The following CEP128 variants were observed in gnomAD, a reference collection of about 807,000 sequenced individuals.
CEP128 encodes centrosomal protein 128.
CEP128 carries 132 observed loss-of-function variants against 156.7 expected under a neutral mutation model. That is an observed-to-expected ratio of 0.84 (90% CI 0.73 to 0.97). CEP128 has a LOEUF of 0.97. Ranked by LOEUF, CEP128 falls within the 50% of genes least tolerant of loss-of-function variation. CEP128 has a pLI of 0.00. For missense variants in CEP128, 1,252 were observed against 1,281.9 expected, an observed-to-expected ratio of 0.98 and a Z score of 0.36; for synonymous variants, 469 against 448.9, an observed-to-expected ratio of 1.04 and a Z score of -0.57.
At chr14:80,799,609 G>A (rs1256292712) in intron 13 of CEP128, among the ~76,000 whole-genome samples, 2 of 151,954 alleles carry the variant, frequency 1.3e-5, no homozygotes, top group African/African-American at 4.8e-5. Context: ...TCCTAGCAAG[G>A]AATATTAATA....
chr14:80,700,111 T>C (rs1279312808), intron 19 of CEP128, among the ~76,000 whole-genome samples: 1 of 152,172 alleles, frequency 6.6e-6, no homozygotes, highest in Non-Finnish European at 1.5e-5. Flanking sequence ...TTCAATACTA[T>C]AACGCTAGTG....
intron 15 of CEP128, among the ~76,000 whole-genome samples, chr14:80,782,013 A>C (rs1901148426): frequency 6.6e-6 from 1 of 152,216 alleles, no homozygotes; most frequent in African/African-American, 2.4e-5. Context: ...TTCTTAAAAC[A>C]AACCATTTCT....
At chr14:80,777,138 T>C (rs1164156618) in intron 16 of CEP128, among the ~76,000 whole-genome samples, 1 of 152,188 alleles carries the variant, frequency 6.6e-6, no homozygotes, top group Non-Finnish European at 1.5e-5. Context: ...TAAAACCTAA[T>C]TGCTACAGAC....
At chr14:80,546,993 T>G (rs905705358) in intron 21 of CEP128, among the ~76,000 whole-genome samples, 2 of 152,232 alleles carry the variant, frequency 1.3e-5, no homozygotes, top group Non-Finnish European at 2.9e-5. Flanking sequence ...TCTCCAGCCT[T>G]TCATCTGAGA....
intron 13 of CEP128, among the ~76,000 whole-genome samples, chr14:80,800,055 C>A (rs556320561): frequency 1.3e-5 from 2 of 152,106 alleles, no homozygotes; most frequent in South Asian, 4.1e-4. Context: ...CTGTTTTACA[C>A]CCCCTCCCCT....
chr14:80,610,827 G>A (rs1176809585), intron 19 of CEP128, among the ~76,000 whole-genome samples: 1 of 152,054 alleles, frequency 6.6e-6, no homozygotes, highest in Non-Finnish European at 1.5e-5. Context: ...ATATTCATAC[G>A]ATGGAGTTTC....
intron 20 of CEP128, among the ~76,000 whole-genome samples, chr14:80,577,873 A>C (rs1315002986): frequency 6.6e-6 from 1 of 152,156 alleles, no homozygotes; most frequent in Non-Finnish European, 1.5e-5. Context: ...AACATACTGA[A>C]CTTTCAGTTC....
chr14:80,884,588 C>T (rs1566692176), intron 8 of CEP128, among the ~76,000 whole-genome samples: 2 of 152,082 alleles, frequency 1.3e-5, no homozygotes, highest in African/African-American at 2.4e-5. Context: ...CAAGGGAAGC[C>T]GTGAGGGACT....
chr14:80,876,661 C>T lies in CEP128; in HGVS notation c.646-13788G>A, dbSNP rs1041174100. 5.4e-5 allele frequency among the ~76,000 whole-genome samples: 8 copies of T among 148,650 alleles called. No homozygotes were observed. In the East Asian group the frequency reaches 1.6e-3, roughly 29 times the overall value. Reference sequence around the variant, plus strand: ...TTCTCAATAGAAGCAATAAAACCCCCAAATGATTAAATTTCTTTAAAATAC... The same window carrying T: ...TTCTCAATAGAAGCAATAAAACCCCTAAATGATTAAATTTCTTTAAAATAC... On this transcript the variant is annotated intron_variant, in intron 8 of 24. Transcript: ENST00000555265.
At chr14:80,494,369 A>C (rs1402430344), downstream of CEP128, among the ~76,000 whole-genome samples, 2 of 152,144 alleles carry the variant, frequency 1.3e-5, no homozygotes, top group Non-Finnish European at 2.9e-5. Context: ...AGGGGGTGTA[A>C]GACTCTTGGA....
chr14:80,758,279 T>C (rs1260565508), intron 17 of CEP128, among the ~76,000 whole-genome samples: 1 of 152,176 alleles, frequency 6.6e-6, no homozygotes, highest in East Asian at 1.9e-4. Flanking sequence ...CCCAGCACTT[T>C]GGGAGGCCGA....
chr14:80,785,702 T>C (rs1280528405), intron 14 of CEP128, among the ~76,000 whole-genome samples, 157 bp from the exon 15 acceptor site: 1 of 152,178 alleles, frequency 6.6e-6, no homozygotes, highest in East Asian at 1.9e-4. Flanking sequence ...ATAAAAATAC[T>C]TTTAGGCCAG....
At chr14:80,658,055 T>G (rs905919188) in intron 19 of CEP128, among the ~76,000 whole-genome samples, 2 of 152,192 alleles carry the variant, frequency 1.3e-5, no homozygotes, top group African/African-American at 2.4e-5. Context: ...TGTTTATAGT[T>G]TTTTTCTAAT....
At position 80,568,176 on chromosome 14, in the gene CEP128, G is replaced by A. The variant is rs1890996604; in HGVS notation, c.2857-8874C>T. ...TATAGTTGGTCTAATGAGACTCCCTGAGGCTGACATCTCCTTTGTTTCCCC... is the reference window on the plus strand; with the variant it reads ...TATAGTTGGTCTAATGAGACTCCCTAAGGCTGACATCTCCTTTGTTTCCCC... On this transcript the variant is annotated intron_variant, in intron 20 of 24. Transcript: ENST00000555265. Among the ~76,000 whole-genome samples the A allele has an allele frequency of 2.0e-5, 3 of 152,172 alleles. No individual in the cohort carries two copies. In the South Asian group the frequency reaches 6.2e-4, roughly 32 times the overall value.
chr14:80,744,128 G>C (rs1250375801), intron 18 of CEP128, among the ~76,000 whole-genome samples: 1 of 151,954 alleles, frequency 6.6e-6, no homozygotes, highest in Non-Finnish European at 1.5e-5. Flanking sequence ...ACCTGTCTCA[G>C]CCTCCCGAAG....
At chr14:80,595,712 A>G (rs1024145341) in intron 19 of CEP128, among the ~76,000 whole-genome samples, 2 of 152,196 alleles carry the variant, frequency 1.3e-5, no homozygotes, top group Admixed American at 6.5e-5. Flanking sequence ...TCACACTGCT[A>G]ATAAATACAT....
intron 19 of CEP128, among the ~76,000 whole-genome samples, chr14:80,734,694 A>T (rs1327894367): frequency 6.6e-6 from 1 of 151,834 alleles, no homozygotes; most frequent in Non-Finnish European, 1.5e-5. Context: ...CTAAAAATAC[A>T]AAACTTAACT....
At position 80,785,501 on chromosome 14, in the gene CEP128, T is replaced by C. The variant is rs779844664; in HGVS notation, c.1605A>G (p.Ala535=). 1.2e-5 allele frequency: 20 copies of C among 1,613,378 alleles called. No individual in the cohort carries two copies. In the East Asian group the frequency reaches 1.6e-4, roughly 13 times the overall value. The part of the protein sequence containing the change: ...KDELKTQLYA[A]LQQIENLRKE... ...TTCGAAGATTCTCTATTTGTTGTAA[T>C]GCTGCATACAGCTGGGTTTTCAATT... Residue 535 remains alanine, a synonymous_variant, in exon 15 of 25, where the codon GCA becomes GCG. Transcript: ENST00000555265.
chr14:80,693,830 G>A (rs951842628), intron 19 of CEP128, among the ~76,000 whole-genome samples: 4 of 152,100 alleles, frequency 2.6e-5, no homozygotes, highest in Admixed American at 6.5e-5. Flanking sequence ...TGAAACTTAG[G>A]TTTGCCTTGT....
Sources: gnomAD v4.1 joint callset for allele counts (sites outside exome capture counted in the v4.1 genomes callset) on GRCh38, gnomAD v4.1.1 for gene constraint, MANE v1.5 for transcripts, NCBI Gene and HGNC (gene_info 2026-07-23, HGNC 2026-07-21) for gene names.